Variants in ADAMTS17 observed in about 807,000 individuals in gnomAD.
The protein encoded by ADAMTS17 is ADAM metallopeptidase with thrombospondin type 1 motif 17.
In ADAMTS17, 113 loss-of-function variants were observed where a neutral mutation model predicts 141.5. That is an observed-to-expected ratio of 0.80 (90% CI 0.69 to 0.93). ADAMTS17 has a LOEUF of 0.93. Ranked by LOEUF, ADAMTS17 falls within the 40% of genes least tolerant of loss-of-function variation. The pLI, the probability that ADAMTS17 is intolerant of heterozygous loss-of-function variation, is 0.00. For synonymous variants in ADAMTS17, 768 were observed against 630.6 expected (o/e 1.22, Z -3.27); for missense variants, 1,659 against 1,517.9 (o/e 1.09, Z -1.54).
intron 3 of ADAMTS17, among the ~76,000 whole-genome samples, chr15:100,322,347 C>T (rs768906012): frequency 6.6e-6 from 1 of 152,200 alleles, no homozygotes; most frequent in African/African-American, 2.4e-5. Flanking sequence ...TTCTACCCAA[C>T]TCTCAGGATG....
chr15:100,056,827 C>T (rs563093885), intron 15 of ADAMTS17, among the ~76,000 whole-genome samples: 67 of 152,256 alleles, frequency 4.4e-4, no homozygotes, highest in African/African-American at 1.6e-3. Context: ...TAAAGACAGA[C>T]ACAGCTCTTG....
intron 7 of ADAMTS17, among the ~76,000 whole-genome samples, chr15:100,241,394 T>C (rs2042823002): frequency 1.3e-5 from 2 of 152,340 alleles, no homozygotes; most frequent in Admixed American, 1.3e-4. Context: ...CTTCAACGCT[T>C]TGAGACCTCG....
chr15:100,319,095 A>G (rs1053773624), intron 3 of ADAMTS17, among the ~76,000 whole-genome samples: 1 of 152,264 alleles, frequency 6.6e-6, no homozygotes, highest in Non-Finnish European at 1.5e-5. Context: ...AGTGCATATG[A>G]AATGACTCAG....
intron 15 of ADAMTS17, among the ~76,000 whole-genome samples, chr15:100,055,242 A>C (rs2032470872): frequency 6.6e-6 from 1 of 152,132 alleles, no homozygotes; most frequent in South Asian, 2.1e-4. Context: ...TACTGCATTG[A>C]CTGTTCTCTG....
At chr15:100,234,738 C>T (rs1203111845) in intron 7 of ADAMTS17, among the ~76,000 whole-genome samples, 1 of 152,220 alleles carries the variant, frequency 6.6e-6, no homozygotes, top group African/African-American at 2.4e-5. Flanking sequence ...AGGGACTCCC[C>T]GACCACTCCT....
chr15:99,976,330 C>T, intron 20 of ADAMTS17, 108 bp from the exon 21 acceptor site: 1 of 1,399,392 alleles, frequency 7.1e-7, no homozygotes, highest in Non-Finnish European at 9.7e-7. Flanking sequence ...TGGGGGCCTA[C>T]ACGAGGTCAG....
Position 100,018,197 on chromosome 15 carries a change from C to T in ADAMTS17, c.2592-20608G>A, listed in dbSNP as rs150382389. Among the ~76,000 whole-genome samples the T allele has an allele frequency of 5.1e-3, 763 of 150,906 alleles. 6 individuals are homozygous for T. Among genetic ancestry groups the T allele is most frequent in the African/African-American group, 0.017 (702 of 40,330 alleles). The stretch of plus-strand genomic sequence containing the variant: ...CCTTCTGTGACGGGTTTTCACTTAG[C>T]GTAATGTCCTCAATGTGCATCTGTG... On this transcript the variant is annotated intron_variant, in intron 18 of 21. Transcript: ENST00000268070.
At chr15:100,119,401 G>C (rs2037336636) in intron 12 of ADAMTS17, among the ~76,000 whole-genome samples, 1 of 152,186 alleles carries the variant, frequency 6.6e-6, no homozygotes, top group South Asian at 2.1e-4. Flanking sequence ...AGGGAGTAAA[G>C]AAATACAAAT....
rs180833024 is a variant in ADAMTS17 at position 100,004,921 on chromosome 15, C to A, written c.2592-7332G>T. Among the ~76,000 whole-genome samples, 25 of 152,238 alleles carry A rather than the reference C, an allele frequency of 1.6e-4. 1 individual carries two copies. In the East Asian group the frequency reaches 4.8e-3, roughly 29 times the overall value. On this transcript the variant is annotated intron_variant, in intron 18 of 21. Transcript: ENST00000268070. ...TAGACATGAGCAACCACACCCCGCT[C>A]ATTTTTGAAGTTTTAGTAGAGATGG...
At chr15:100,162,389 ACTAT>A (rs972965087) in intron 8 of ADAMTS17, among the ~76,000 whole-genome samples, 70 of 146,948 alleles carry the variant, frequency 4.8e-4, no homozygotes, top group Middle Eastern at 3.8e-3. Context: ...TATATATATA[ACTAT>A]CTATATGTGT....
At chr15:100,218,413 T>A (rs537787575) in intron 7 of ADAMTS17, among the ~76,000 whole-genome samples, 1 of 152,334 alleles carries the variant, frequency 6.6e-6, no homozygotes, top group East Asian at 1.9e-4. Flanking sequence ...AATTTTTGAA[T>A]GGGCAAATGA....
At chr15:100,231,591 G>A (rs1245303562) in intron 7 of ADAMTS17, among the ~76,000 whole-genome samples, 2 of 152,204 alleles carry the variant, frequency 1.3e-5, no homozygotes, top group African/African-American at 4.8e-5. Context: ...TACAGAAGCT[G>A]ATCAGACTTG....
intron 8 of ADAMTS17, among the ~76,000 whole-genome samples, chr15:100,181,683 T>G (rs1373393444): frequency 6.6e-6 from 1 of 152,248 alleles, no homozygotes; most frequent in Non-Finnish European, 1.5e-5. Context: ...TGAGCTGGTA[T>G]TCAAGATGCA....
At chr15:100,213,576 C>A (rs777021367) in intron 7 of ADAMTS17, among the ~76,000 whole-genome samples, 1 of 152,228 alleles carries the variant, frequency 6.6e-6, no homozygotes, top group Non-Finnish European at 1.5e-5. Context: ...CACTCTCTCT[C>A]GGTCTAACAT....
intron 4 of ADAMTS17, among the ~76,000 whole-genome samples, chr15:100,270,354 G>C (rs1272706445): frequency 1.3e-5 from 2 of 150,378 alleles, no homozygotes; most frequent in African/African-American, 2.4e-5. Context: ...ATGGCCCATA[G>C]TTCAGCAGCC....
chr15:100,272,877 T>C (rs1241725081), intron 4 of ADAMTS17, among the ~76,000 whole-genome samples: 1 of 152,074 alleles, frequency 6.6e-6, no homozygotes, highest in African/African-American at 2.4e-5. Context: ...CTTCTATTCC[T>C]AGTCTATTGA....
rs528241454 is a variant in ADAMTS17 at position 100,158,036 on chromosome 15, G to C, written c.1182-2716C>G. Reference sequence around the variant, plus strand: ...CCCGAATAGCTGGGACTAGAGGCACGCGCCAGCACGCCTGGCTAATTTTTG... The same window carrying C: ...CCCGAATAGCTGGGACTAGAGGCACCCGCCAGCACGCCTGGCTAATTTTTG... On this transcript the variant is annotated intron_variant, in intron 8 of 21. Coordinates refer to ENST00000268070, the MANE Select transcript of ADAMTS17 (RefSeq NM_139057.4). Among the ~76,000 whole-genome samples the C allele has an allele frequency of 6.5e-4, 99 of 152,174 alleles. 1 individual carries two copies. Among genetic ancestry groups the C allele is most frequent in the African/African-American group, 2.3e-3 (95 of 41,506 alleles).
At chr15:100,230,713 A>T (rs1427870735) in intron 7 of ADAMTS17, among the ~76,000 whole-genome samples, 2 of 152,206 alleles carry the variant, frequency 1.3e-5, no homozygotes, top group Admixed American at 1.3e-4. Context: ...GAATGAAAGC[A>T]TTTATTGTTT....
chr15:100,063,854 C>A (rs890825382), intron 15 of ADAMTS17: 1 of 839,644 alleles, frequency 1.2e-6, no homozygotes, highest in Non-Finnish European at 1.7e-6. Flanking sequence ...ACCAAGCCCC[C>A]CACAGTGGCT....
Sources: gnomAD v4.1 joint callset for allele counts (sites outside exome capture counted in the v4.1 genomes callset) on GRCh38, gnomAD v4.1.1 for gene constraint, MANE v1.5 for transcripts, NCBI Gene and HGNC (gene_info 2026-07-23, HGNC 2026-07-21) for gene names.